SGIP1: variants seen among roughly 807,000 people sequenced by gnomAD.
SGIP1 encodes the protein SH3GL interacting endocytic adaptor 1.
A neutral mutation model predicts 107.5 loss-of-function variants in SGIP1; 38 were observed. The observed-to-expected ratio is 0.35, with a 90% CI of 0.27 to 0.46. SGIP1 has a LOEUF of 0.46. Among genes scored for constraint, SGIP1 ranks in the 20% least tolerant of loss-of-function variants. The pLI is 1.00. For synonymous variants in SGIP1, 365 were observed against 366.1 expected (o/e 1.00, Z 0.03); for missense variants, 929 against 1,019.5 (o/e 0.91, Z 1.21).
chr1:66,689,027 T>G, intron 15 of SGIP1, 121 bp from the exon 16 acceptor site: 2 of 1,123,880 alleles, frequency 1.8e-6, no homozygotes, highest in Non-Finnish European at 2.5e-6. Context: ...CTACAGTGTT[T>G]AGTGTAGTAA....
chr1:66,730,104 C>A (rs1052613255), intron 20 of SGIP1, among the ~76,000 whole-genome samples: 1 of 152,012 alleles, frequency 6.6e-6, no homozygotes, highest in Non-Finnish European at 1.5e-5. Context: ...GCCTGGCCTT[C>A]TTTTTAAATC....
Position 66,589,216 on chromosome 1 carries a change from A to ATGTGTGTG in SGIP1, c.11-36628_11-36627insGTGTGTGT, listed in dbSNP as rs1477899813. On this transcript the variant is annotated intron_variant, in intron 1 of 24. Coordinates refer to ENST00000371037, the MANE Select transcript of SGIP1 (RefSeq NM_032291.4). ...TATATATATATATATATATATATAT[A>ATGTGTGTG]TGTAAGGCTTGGGGTAAAGAGAAGG... 8.1e-3 allele frequency among the ~76,000 whole-genome samples: 781 copies of ATGTGTGTG among 96,256 alleles called. 39 individuals carry two copies. Among genetic ancestry groups the ATGTGTGTG allele is most frequent in the African/African-American group, 0.029 (691 of 24,164 alleles). The allele number at this position is 96,256 out of a possible 152,430, so 63.1% of individuals were successfully genotyped here. A position where few individuals can be genotyped will look rare whatever the true frequency, so the allele number is the denominator to read the frequency against.
intron 17 of SGIP1, chr1:66,695,132 G>A (rs1447675672): frequency 2.0e-5 from 9 of 455,304 alleles, no homozygotes; most frequent in Admixed American, 1.5e-4. Context: ...ATATGCTGAC[G>A]CCCCTGCATG....
At chr1:66,551,728 T>C (rs747195465) in intron 1 of SGIP1, among the ~76,000 whole-genome samples, 10 of 152,198 alleles carry the variant, frequency 6.6e-5, no homozygotes, top group Non-Finnish European at 1.2e-4. Context: ...GCCTTTTTAC[T>C]TGCAGGTTGT....
At chr1:66,537,160 T>C (rs2053823459) in intron 1 of SGIP1, among the ~76,000 whole-genome samples, 1 of 152,212 alleles carries the variant, frequency 6.6e-6, no homozygotes, top group African/African-American at 2.4e-5. Context: ...TCCATGGTTC[T>C]TTTAACATAT....
chr1:66,566,828 A>C (rs1377713373), intron 1 of SGIP1, among the ~76,000 whole-genome samples: 2 of 151,942 alleles, frequency 1.3e-5, no homozygotes, highest in South Asian at 4.2e-4. Flanking sequence ...CCCCACATGC[A>C]TTAGGTATTT....
intron 1 of SGIP1, among the ~76,000 whole-genome samples, chr1:66,621,998 C>T (rs1237233637): frequency 6.6e-6 from 1 of 152,106 alleles, no homozygotes; most frequent in Admixed American, 6.5e-5. Flanking sequence ...TCTGTAGGAG[C>T]CTGAGTATGA....
intron 20 of SGIP1, among the ~76,000 whole-genome samples, chr1:66,731,887 T>C (rs2094027983): frequency 6.6e-6 from 1 of 152,162 alleles, no homozygotes; most frequent in Non-Finnish European, 1.5e-5. Flanking sequence ...TACTTTTTTC[T>C]TGTGAAAAAA....
chr1:66,602,575 G>A (rs2066056606), intron 1 of SGIP1, among the ~76,000 whole-genome samples: 2 of 151,994 alleles, frequency 1.3e-5, no homozygotes, highest in Admixed American at 1.3e-4. Flanking sequence ...CACCAACATG[G>A]CACATGTATA....
chr1:66,570,594 A>C (rs375798400), intron 1 of SGIP1, among the ~76,000 whole-genome samples: 37 of 152,026 alleles, frequency 2.4e-4, no homozygotes, highest in African/African-American at 8.9e-4. Flanking sequence ...ATTGCCATCT[A>C]TCCATCAAAT....
In SGIP1 at chr1:66,635,358, C is replaced by A. The variant is rs74085190; in HGVS notation, c.100-586C>A. On this transcript the variant is annotated intron_variant, in intron 3 of 24. Transcript: ENST00000371037. ...GACACAAACTCTAATTTATGCAGGGCAAACTAACTTTTTTCCAAGCAGTTC... is the reference window on the plus strand; with the variant it reads ...GACACAAACTCTAATTTATGCAGGGAAAACTAACTTTTTTCCAAGCAGTTC... Among the ~76,000 whole-genome samples, 509 of 152,334 alleles carry A rather than the reference C, an allele frequency of 3.3e-3. 2 individuals are homozygous for A. Among genetic ancestry groups the A allele is most frequent in the African/African-American group, 0.011 (443 of 41,576 alleles).
At chr1:66,536,499 A>G (rs536718646) in intron 1 of SGIP1, among the ~76,000 whole-genome samples, 1 of 152,308 alleles carries the variant, frequency 6.6e-6, no homozygotes, top group African/African-American at 2.4e-5. Context: ...TTGGCAATAT[A>G]CATTCATGTT....
At chr1:66,540,668 A>G (rs112190443) in intron 1 of SGIP1, among the ~76,000 whole-genome samples, 26 of 152,322 alleles carry the variant, frequency 1.7e-4, no homozygotes, top group African/African-American at 5.8e-4. Flanking sequence ...TTCAGATGCA[A>G]ATTACTCCTG....
intron 11 of SGIP1, 134 bp from the exon 12 acceptor site, chr1:66,673,147 A>G (rs562691777): frequency 2.4e-6 from 2 of 825,392 alleles, no homozygotes; most frequent in Non-Finnish European, 2.0e-6. Context: ...CGGGGCTTGT[A>G]TACACATGCA....
chr1:66,635,695 A>T (rs1459771095), intron 3 of SGIP1, among the ~76,000 whole-genome samples: 1 of 152,152 alleles, frequency 6.6e-6, no homozygotes, highest in Non-Finnish European at 1.5e-5. Flanking sequence ...TGCCTGGGAC[A>T]TATCTTCCTC....
intron 1 of SGIP1, among the ~76,000 whole-genome samples, chr1:66,537,128 C>A (rs2053810506): frequency 6.6e-6 from 1 of 152,132 alleles, no homozygotes; most frequent in African/African-American, 2.4e-5. Context: ...GGACCACAAG[C>A]AGGTGATTAG....
chr1:66,540,942 T>G (rs925888004), intron 1 of SGIP1, among the ~76,000 whole-genome samples: 5 of 152,220 alleles, frequency 3.3e-5, no homozygotes, highest in Non-Finnish European at 5.9e-5. Context: ...TTAGGATTCC[T>G]CACATCTACT....
intron 18 of SGIP1, chr1:66,704,648 G>A (rs1488594854): frequency 6.6e-6 from 1 of 152,166 alleles, no homozygotes; most frequent in Non-Finnish European, 1.5e-5. Context: ...GACCTCTATA[G>A]CGTTTGTTTC....
rs545923887 is a variant in SGIP1, at chr1:66,738,997, A to G, written c.2032-338A>G. Among the ~76,000 whole-genome samples, 4 of 152,212 alleles carry G rather than the reference A, an allele frequency of 2.6e-5. No individual in the cohort carries two copies. The South Asian group carries it at 8.3e-4, about 32-fold the overall frequency. On this transcript the variant is annotated intron_variant, in intron 21 of 24. Coordinates refer to ENST00000371037, the MANE Select transcript of SGIP1 (RefSeq NM_032291.4). The stretch of plus-strand genomic sequence containing the variant: ...GAGGTTCTGAGCTAGGGACTTGTCC[A>G]AGATCACTCAGCTTGTAAGTAGAGT...
Sources: gnomAD v4.1 joint callset for allele counts (sites outside exome capture counted in the v4.1 genomes callset) on GRCh38, gnomAD v4.1.1 for gene constraint, MANE v1.5 for transcripts, NCBI Gene and HGNC (gene_info 2026-07-23, HGNC 2026-07-21) for gene names.